Variants in LDAH observed in about 807,000 individuals in gnomAD.
The protein encoded by LDAH is lipid droplet associated hydrolase.
In LDAH, 26 loss-of-function variants were observed where a neutral mutation model predicts 29.6. The observed-to-expected ratio is 0.88, with a 90% CI of 0.64 to 1.22. The LOEUF is 1.22. Among genes scored for constraint, LDAH ranks in the 50% most tolerant of loss-of-function variants. The pLI is 0.00. For synonymous variants in LDAH, 117 were observed against 133.0 expected (o/e 0.88, Z 0.83); for missense variants, 344 against 387.3 (o/e 0.89, Z 0.94).
intron 5 of LDAH, among the ~76,000 whole-genome samples, chr2:20,714,457 T>C (rs184214649): frequency 3.3e-5 from 5 of 152,034 alleles, no homozygotes; most frequent in African/African-American, 1.2e-4. Context: ...CACCCTAATG[T>C]CACAATTAAA....
At chr2:20,734,791 C>T (rs1297345490) in intron 5 of LDAH, among the ~76,000 whole-genome samples, 1 of 152,186 alleles carries the variant, frequency 6.6e-6, no homozygotes, top group Non-Finnish European at 1.5e-5. Flanking sequence ...GTTGAGAGAA[C>T]TTCCTGCAGT....
In LDAH at chr2:20,787,818, T is replaced by A. The variant is rs531574271; in HGVS notation, c.298+2437A>T. Among the ~76,000 whole-genome samples, 17 of 152,334 alleles carry A rather than the reference T, an allele frequency of 1.1e-4. No homozygotes were observed. The South Asian group carries it at 3.5e-3, about 32-fold the overall frequency. ...GTAACTATTTCACTAACATTTAAGA[T>A]ACACACTTCATCACGATATTGACAT... is the stretch of plus-strand genomic sequence containing the variant. On this transcript the variant is annotated intron_variant, in intron 3 of 6. Coordinates refer to ENST00000237822, the MANE Select transcript of LDAH (RefSeq NM_021925.4).
chr2:20,795,945 CCACACACACA>C (rs57619975), intron 2 of LDAH, among the ~76,000 whole-genome samples: 4,548 of 141,970 alleles, frequency 0.032, 99 homozygotes, highest in Non-Finnish European at 0.04. Flanking sequence ...CCGAAACCTG[CCACACACACA>C]CACACACACA....
At chr2:20,735,881 G>A (rs1666738183) in intron 5 of LDAH, among the ~76,000 whole-genome samples, 1 of 152,074 alleles carries the variant, frequency 6.6e-6, no homozygotes, top group African/African-American at 2.4e-5. Flanking sequence ...GGGACAAGTG[G>A]TGAGTCCCTT....
chr2:20,789,923 G>A (rs991845810), intron 3 of LDAH, among the ~76,000 whole-genome samples: 3 of 152,178 alleles, frequency 2.0e-5, no homozygotes, highest in African/African-American at 7.2e-5. Context: ...CTGGTTCCCA[G>A]AGGCCAAAAT....
chr2:20,795,780 G>T (rs896565455), intron 2 of LDAH, among the ~76,000 whole-genome samples: 8 of 151,992 alleles, frequency 5.3e-5, no homozygotes, highest in Non-Finnish European at 8.8e-5. Flanking sequence ...TAGAAGTGAA[G>T]AATTAATTTT....
At chr2:20,699,271 T>C (rs1179675555) in intron 6 of LDAH, among the ~76,000 whole-genome samples, 2 of 152,200 alleles carry the variant, frequency 1.3e-5, no homozygotes, top group Non-Finnish European at 2.9e-5. Context: ...TTAAGATACC[T>C]AAATAGGAAT....
intron 4 of LDAH, among the ~76,000 whole-genome samples, chr2:20,750,799 C>T (rs1195635800): frequency 6.6e-6 from 1 of 152,130 alleles, no homozygotes; most frequent in Admixed American, 6.6e-5. Context: ...AAATATGGTA[C>T]ATATACTCCA....
intron 3 of LDAH, among the ~76,000 whole-genome samples, chr2:20,776,316 G>A (rs1669826075): frequency 6.6e-6 from 1 of 152,052 alleles, no homozygotes; most frequent in Non-Finnish European, 1.5e-5. Context: ...TATCTCCTCT[G>A]AGAGACCTTT....
Position 20,684,838 on chromosome 2 carries a change from T to C in LDAH, c.*2065A>G. ...TACAGGCAGAGCTGCTTCTGGAAAA[T>C]GGATTTCTTCCACTGTTTGTCCATT... On this transcript the variant is annotated 3_prime_UTR_variant, in exon 7 of 7. Transcript: ENST00000237822. The C allele has an allele frequency of 1.3e-6, 2 of 1,534,268 alleles. No individual in the cohort carries two copies. Among genetic ancestry groups the C allele is most frequent in the Non-Finnish European group, 1.8e-6 (2 of 1,139,412 alleles).
intron 3 of LDAH, among the ~76,000 whole-genome samples, chr2:20,775,611 C>T (rs181290394): frequency 7.2e-5 from 11 of 152,222 alleles, no homozygotes; most frequent in Admixed American, 6.5e-4. Context: ...GAATCCAGAT[C>T]GAAAAACTTA....
intron 4 of LDAH, among the ~76,000 whole-genome samples, chr2:20,761,965 A>C (rs192894773): frequency 3.3e-5 from 5 of 151,994 alleles, no homozygotes; most frequent in African/African-American, 9.6e-5. Context: ...GAAAAAAAAA[A>C]CCCAAACTCA....
chr2:20,723,893 T>A (rs529264265), intron 5 of LDAH, among the ~76,000 whole-genome samples: 12 of 152,334 alleles, frequency 7.9e-5, no homozygotes, highest in African/African-American at 2.9e-4. Flanking sequence ...AGAATGTTAA[T>A]TCTTTACTTT....
chr2:20,721,094 A>G (rs1269573239), intron 5 of LDAH, among the ~76,000 whole-genome samples: 4 of 152,170 alleles, frequency 2.6e-5, no homozygotes, highest in African/African-American at 9.6e-5. Flanking sequence ...AAGACCTCAA[A>G]AACACAGGCA....
chr2:20,738,181 A>C (rs1425789653), intron 5 of LDAH, among the ~76,000 whole-genome samples: 1 of 151,284 alleles, frequency 6.6e-6, no homozygotes, highest in Non-Finnish European at 1.5e-5. Context: ...GAACCTGGGA[A>C]GCGGAGGTTG....
Position 20,818,570 on chromosome 2 carries a change from CTT to C in LDAH, c.-3+4465_-3+4466del, listed in dbSNP as rs139009602. Among the ~76,000 whole-genome samples the C allele has an allele frequency of 2.0e-3, 298 of 146,410 alleles. 3 individuals carry two copies. The highest frequency in any genetic ancestry group is 7.0e-3 in the African/African-American group (284 of 40,294). ...CTAGCCCCTTGCAATAAAACTACTG[CTT>C]TTTTTTTTTGCTTCTTTTTATTTGC... On this transcript the variant is annotated intron_variant, in intron 1 of 6. Coordinates refer to ENST00000237822, the MANE Select transcript of LDAH (RefSeq NM_021925.4).
chr2:20,783,885 T>C (rs61490996), intron 3 of LDAH, among the ~76,000 whole-genome samples: 2,288 of 152,218 alleles, frequency 0.015, 63 homozygotes, highest in African/African-American at 0.052. Flanking sequence ...CTAATTTTTG[T>C]ATTTTTCTGT....
chr2:20,683,799 T>C (rs1481826327), downstream of LDAH, among the ~76,000 whole-genome samples: 1 of 151,952 alleles, frequency 6.6e-6, no homozygotes, highest in African/African-American at 2.4e-5. Flanking sequence ...TTATAGAGAA[T>C]CCACCATATG....
At chr2:20,687,465 T>C (rs893356088) in intron 6 of LDAH, among the ~76,000 whole-genome samples, 4 of 152,222 alleles carry the variant, frequency 2.6e-5, no homozygotes, top group African/African-American at 9.7e-5. Flanking sequence ...TAGTGACCAG[T>C]TAATAAACTT....
Sources: allele counts gnomAD v4.1 joint callset (sites outside exome capture counted in the v4.1 genomes callset), GRCh38; gene constraint gnomAD v4.1.1; transcripts MANE v1.5; gene names NCBI Gene and HGNC (gene_info 2026-07-23, HGNC 2026-07-21).